The following VAX2 variants were observed in gnomAD, a reference collection of about 807,000 sequenced individuals.
VAX2 encodes ventral anterior homeobox 2.
A neutral mutation model predicts 12.5 loss-of-function variants in VAX2; 8 were observed. The ratio of observed to expected loss-of-function variants is 0.64; its 90% confidence interval spans 0.37 to 1.15. The LOEUF is 1.15. Ranked by LOEUF, VAX2 falls within the 50% of genes most tolerant of loss-of-function variation. The pLI, the probability that VAX2 is intolerant of heterozygous loss-of-function variation, is 0.01. For missense variants in VAX2, 476 were observed against 412.9 expected, an observed-to-expected ratio of 1.15 and a Z score of -1.32; for synonymous variants, 183 against 187.6, an observed-to-expected ratio of 0.98 and a Z score of 0.20.
At chr2:70,921,077 C>A in intron 1 of VAX2, 21 bp from the exon 2 acceptor site, 1 of 1,547,448 alleles carries the variant, frequency 6.5e-7, no homozygotes, top group Non-Finnish European at 8.7e-7. Context: ...ACTAAGCTGG[C>A]TCCTTTCATG....
intron 2 of VAX2, among the ~76,000 whole-genome samples, chr2:70,921,694 G>T (rs1447130896): frequency 6.6e-6 from 1 of 151,782 alleles, no homozygotes. Context: ...ATTGGGCTGG[G>T]GACCTCTCGC....
At chr2:70,925,981 T>C (rs1679562949) in intron 2 of VAX2, among the ~76,000 whole-genome samples, 1 of 152,080 alleles carries the variant, frequency 6.6e-6, no homozygotes, top group African/African-American at 2.4e-5. Context: ...CCTTCTTCCC[T>C]GGATACTCAG....
Position 70,932,757 on chromosome 2 carries a change from C to A in VAX2, c.436-10C>A. ...ATCTCCCTCCTTGACACCCCCTCCCCCACCCCAAGGTGAAGGTCTGGTTCC... is the reference window on the plus strand; with the variant it reads ...ATCTCCCTCCTTGACACCCCCTCCCACACCCCAAGGTGAAGGTCTGGTTCC... On this transcript the variant is annotated splice_polypyrimidine_tract_variant and intron_variant, in intron 2 of 2. Transcript: ENST00000234392. 1 of 1,531,558 alleles carries A rather than the reference C, an allele frequency of 6.5e-7. No homozygotes were observed. Among genetic ancestry groups the A allele is most frequent in the Non-Finnish European group, 8.8e-7 (1 of 1,137,102 alleles). 94.9% of individuals were successfully genotyped at this position (1,531,558 alleles called of 1,614,324 possible).
rs1553409554 is a variant in VAX2, at chr2:70,900,595, G to C, written c.-27G>C. On this transcript the variant is annotated 5_prime_UTR_variant, in exon 1 of 3. Transcript: ENST00000234392. ...CCGGCCAGCGTAGGCTGGCTCCGCC[G>C]TAGAGGGGTTGGCAGTGGCGGTCAG... 2.4e-6 allele frequency: 3 copies of C among 1,249,748 alleles called. No homozygotes were observed. The African/African-American group carries it at 4.7e-5, about 19-fold the overall frequency. 77.4% of individuals were successfully genotyped at this position (1,249,748 alleles called of 1,614,324 possible).
Position 70,933,266 on chromosome 2 carries a change from C to A in VAX2, c.*62C>A, listed in dbSNP as rs1679749073. 4 of 1,435,230 alleles carry A rather than the reference C, an allele frequency of 2.8e-6. No individual in the cohort carries two copies. The highest frequency in any genetic ancestry group is 5.1e-5 in the East Asian group (2 of 39,010). 88.9% of individuals were successfully genotyped at this position (1,435,230 alleles called of 1,614,324 possible). A position where few individuals can be genotyped will look rare whatever the true frequency, so the allele number is the denominator to read the frequency against. ...ACCTTCCCAGTCTCCTGTGCCCCAG[C>A]GGACAGCACTGAGCAGGCCCCGGAG... On this transcript the variant is annotated 3_prime_UTR_variant, in exon 3 of 3. Transcript: ENST00000234392.
chr2:70,918,828 A>AGAGCTGAAAGT (rs1553412406), intron 1 of VAX2, among the ~76,000 whole-genome samples: 1 of 138,688 alleles, frequency 7.2e-6, no homozygotes, highest in Non-Finnish European at 1.5e-5. Context: ...CCCTGGAGGC[A>AGAGCTGAAAGT]GAGCTGAAAT....
At chr2:70,913,028 A>G (rs1257925982) in intron 1 of VAX2, among the ~76,000 whole-genome samples, 1 of 152,230 alleles carries the variant, frequency 6.6e-6, no homozygotes, top group African/African-American at 2.4e-5. Flanking sequence ...AACTCCTCCT[A>G]GAAAAGGAGC....
At chr2:70,916,807 A>T (rs78631492) in intron 1 of VAX2, among the ~76,000 whole-genome samples, 2,098 of 152,258 alleles carry the variant, frequency 0.014, 51 homozygotes, top group African/African-American at 0.048. Context: ...GCTATTACAA[A>T]TAAAGCTGCT....
At chr2:70,927,900 A>G (rs1553413766) in intron 2 of VAX2, among the ~76,000 whole-genome samples, 1 of 152,158 alleles carries the variant, frequency 6.6e-6, no homozygotes, top group Middle Eastern at 3.2e-3. Flanking sequence ...CTGAGAAAAC[A>G]GAGGAGGGAG....
At chr2:70,932,654 ATCC>A in intron 2 of VAX2, 110 bp from the exon 3 acceptor site, 1 of 25,722 alleles carries the variant, frequency 3.9e-5, no homozygotes, top group Non-Finnish European at 8.2e-5. Context: ...CCCCACCCCC[ATCC>A]ACCACCTGCC....
At chr2:70,919,260 A>C (rs1050993812) in intron 1 of VAX2, among the ~76,000 whole-genome samples, 1 of 151,964 alleles carries the variant, frequency 6.6e-6, no homozygotes, top group Admixed American at 6.6e-5. Context: ...TAAAAAAAAA[A>C]GACGGTGTTT....
At chr2:70,901,436 A>T (rs1195166816) in intron 1 of VAX2, among the ~76,000 whole-genome samples, 2 of 150,882 alleles carry the variant, frequency 1.3e-5, no homozygotes, top group African/African-American at 4.9e-5. Context: ...GCTGTGCTTC[A>T]CTCTCTCGGT....
At chr2:70,931,618 G>T (rs1553414321) in intron 2 of VAX2, among the ~76,000 whole-genome samples, 1 of 152,200 alleles carries the variant, frequency 6.6e-6, no homozygotes, top group Non-Finnish European at 1.5e-5. Flanking sequence ...AGAAGCCTGT[G>T]CCCACCTTTG....
intron 2 of VAX2, among the ~76,000 whole-genome samples, chr2:70,922,396 G>A (rs1252449443): frequency 6.6e-6 from 1 of 152,122 alleles, no homozygotes; most frequent in Non-Finnish European, 1.5e-5. Flanking sequence ...TCTGTGCTGT[G>A]TGGCTGCTGT....
rs1553414566 is a variant in VAX2, at chr2:70,932,944, C to T, written c.613C>T (p.Pro205Ser). The part of the protein sequence containing the change: ...PRAPSLLALT[P>S]SLPGLPASHR... ...GGCCCCTAGCCTCCTGGCGCTGACC[C>T]CTAGCCTGCCAGGCCTACCTGCCAG... Residue 205 changes from proline (P) to serine (S), a missense_variant, in exon 3 of 3, where the codon CCT becomes TCT. By Grantham distance (74) the Pro-to-Ser change is moderately conservative. Transcript: ENST00000234392. The T allele has an allele frequency of 1.2e-6, 2 of 1,612,680 alleles. No homozygotes were observed. The highest frequency in any genetic ancestry group is 3.3e-5 in the Admixed American group (2 of 59,956).
chr2:70,909,425 C>T (rs1280046883), intron 1 of VAX2, among the ~76,000 whole-genome samples: 6 of 152,020 alleles, frequency 3.9e-5, no homozygotes, highest in Non-Finnish European at 2.9e-5. Context: ...CAGTCTCAAA[C>T]TCTTGGCCTC....
At position 70,932,936 on chromosome 2, in the gene VAX2, C is replaced by G. The variant is rs369829011; in HGVS notation, c.605C>G (p.Ala202Gly). The G allele has an allele frequency of 1.2e-6, 2 of 1,612,842 alleles. No individual in the cohort carries two copies. Residue 202 changes from alanine (A) to glycine (G), a missense_variant, in exon 3 of 3, where the codon GCG becomes GGG. By Grantham distance (60) the Ala-to-Gly change is moderately conservative. Transcript: ENST00000234392. Reference sequence around the variant, plus strand: ...GTGCCCAGGGCCCCTAGCCTCCTGGCGCTGACCCCTAGCCTGCCAGGCCTA... The same window carrying G: ...GTGCCCAGGGCCCCTAGCCTCCTGGGGCTGACCCCTAGCCTGCCAGGCCTA... Reference protein sequence around the residue: ...LSVPRAPSLLALTPSLPGLPA... With the variant: ...LSVPRAPSLLGLTPSLPGLPA...
At chr2:70,908,496 AG>A (rs1170946370) in intron 1 of VAX2, among the ~76,000 whole-genome samples, 2 of 152,138 alleles carry the variant, frequency 1.3e-5, no homozygotes, top group African/African-American at 4.8e-5. Context: ...TTTTTTTTAT[AG>A]ATGCATAATA....
At chr2:70,919,434 A>G (rs1679399262) in intron 1 of VAX2, among the ~76,000 whole-genome samples, 2 of 152,116 alleles carry the variant, frequency 1.3e-5, no homozygotes, top group South Asian at 4.1e-4. Context: ...TCACACCTAT[A>G]ATCCCAGCAC....
Sources: gnomAD v4.1 joint callset for allele counts (sites outside exome capture counted in the v4.1 genomes callset) on GRCh38, gnomAD v4.1.1 for gene constraint, MANE v1.5 for transcripts, NCBI Gene and HGNC (gene_info 2026-07-23, HGNC 2026-07-21) for gene names.